The following MLLT10 variants were observed in gnomAD, a reference collection of about 807,000 sequenced individuals.
MLLT10 encodes the protein protein AF-10.
A neutral mutation model predicts 129.1 loss-of-function variants in MLLT10; 30 were observed. The observed-to-expected ratio is 0.23, with a 90% CI of 0.17 to 0.32. MLLT10 has a LOEUF of 0.32. MLLT10 is among the 10% of genes least tolerant of loss of function. The probability of loss-of-function intolerance (pLI) is 1.00; values close to 1 mark genes in which losing one functional copy is unlikely to be tolerated. For missense variants in MLLT10, 1,119 were observed against 1,268.3 expected, an observed-to-expected ratio of 0.88 and a Z score of 1.79; for synonymous variants, 490 against 446.4, an observed-to-expected ratio of 1.10 and a Z score of -1.23.
At chr10:21,549,742 G>A (rs572272610) in intron 3 of MLLT10, among the ~76,000 whole-genome samples, 2 of 150,912 alleles carry the variant, frequency 1.3e-5, no homozygotes, top group African/African-American at 4.9e-5. Flanking sequence ...CTACTTCCCG[G>A]GTTCTCCTGC....
At chr10:21,719,243 G>A (rs1173623414) in intron 14 of MLLT10, among the ~76,000 whole-genome samples, 1 of 152,054 alleles carries the variant, frequency 6.6e-6, no homozygotes, top group Non-Finnish European at 1.5e-5. Flanking sequence ...CGTTTCTCAG[G>A]CAGATTTAAC....
chr10:21,662,338 A>G (rs190889946), intron 9 of MLLT10, among the ~76,000 whole-genome samples: 12 of 152,038 alleles, frequency 7.9e-5, no homozygotes, highest in Non-Finnish European at 1.6e-4. Context: ...CTGTATTCCC[A>G]TTTTAACTAT....
intron 5 of MLLT10, among the ~76,000 whole-genome samples, chr10:21,602,891 G>A (rs1018487580): frequency 2.6e-5 from 4 of 151,522 alleles, no homozygotes; most frequent in East Asian, 1.9e-4. Context: ...CACCACGCCC[G>A]GCTAATTTTT....
At chr10:21,657,644 A>AT (rs1457346354) in intron 9 of MLLT10, among the ~76,000 whole-genome samples, 1 of 152,092 alleles carries the variant, frequency 6.6e-6, no homozygotes, top group Non-Finnish European at 1.5e-5. Flanking sequence ...AGTTGTTTGA[A>AT]TTTTGAGGTA....
chr10:21,653,279 T>C (rs540055661), intron 9 of MLLT10, among the ~76,000 whole-genome samples: 5 of 152,324 alleles, frequency 3.3e-5, no homozygotes, highest in Admixed American at 6.5e-5. Context: ...ATTGGCAGAA[T>C]GAATCTGCTT....
At chr10:21,631,190 T>G (rs1288673419) in intron 8 of MLLT10, among the ~76,000 whole-genome samples, 1 of 151,606 alleles carries the variant, frequency 6.6e-6, no homozygotes, top group Non-Finnish European at 1.5e-5. Context: ...GGCGGGCGCC[T>G]GTAGTCCCAG....
intron 3 of MLLT10, among the ~76,000 whole-genome samples, chr10:21,539,261 A>T (rs1027950944): frequency 1.3e-5 from 2 of 152,228 alleles, no homozygotes; most frequent in African/African-American, 2.4e-5. Flanking sequence ...AGTTACATTG[A>T]TAATTCTCTT....
intron 5 of MLLT10, among the ~76,000 whole-genome samples, chr10:21,602,333 C>G (rs947025528): frequency 1.3e-5 from 2 of 151,892 alleles, no homozygotes; most frequent in African/African-American, 4.9e-5. Context: ...AGCTGGCTCC[C>G]CCGTTATAGG....
chr10:21,599,177 C>CAA (rs561486770), intron 5 of MLLT10, among the ~76,000 whole-genome samples: 3 of 101,478 alleles, frequency 3.0e-5, no homozygotes, highest in Non-Finnish European at 4.2e-5. Flanking sequence ...GACTCCATCT[C>CAA]AAAAAAAAAA....
chr10:21,626,069 A>C (rs549285282), intron 8 of MLLT10: 1 of 1,548,278 alleles, frequency 6.5e-7, no homozygotes, highest in East Asian at 2.2e-5. Flanking sequence ...CTTGATCTTC[A>C]CTTCATCAGG....
At chr10:21,649,455 T>C (rs2048813668) in intron 8 of MLLT10, among the ~76,000 whole-genome samples, 1 of 152,230 alleles carries the variant, frequency 6.6e-6, no homozygotes, top group Non-Finnish European at 1.5e-5. Flanking sequence ...GTTACACTGT[T>C]GCTTTAAACC....
At chr10:21,697,966 C>T (rs533522557) in intron 13 of MLLT10, among the ~76,000 whole-genome samples, 11 of 152,186 alleles carry the variant, frequency 7.2e-5, no homozygotes, top group South Asian at 4.1e-4. Flanking sequence ...TTATGGGGGA[C>T]GTTTGAGTGT....
chr10:21,648,678 T>A (rs974923188), intron 8 of MLLT10, among the ~76,000 whole-genome samples: 2 of 152,226 alleles, frequency 1.3e-5, no homozygotes, highest in African/African-American at 4.8e-5. Context: ...GTTATTTTGG[T>A]GTGTGTAGTT....
intron 13 of MLLT10, among the ~76,000 whole-genome samples, chr10:21,695,846 T>TAGTAATTTATAGC (rs201638476): frequency 0.028 from 4,310 of 152,288 alleles, 202 homozygotes; most frequent in African/African-American, 0.097. Flanking sequence ...GGCTATAAAT[T>TAGTAATTTATAGC]CATATGGCAG....
Position 21,546,224 on chromosome 10 carries a change from T to C in MLLT10, c.240+7312T>C, listed in dbSNP as rs537806153. Among the ~76,000 whole-genome samples, 5 of 150,462 alleles carry C rather than the reference T, an allele frequency of 3.3e-5. No homozygotes were observed. In the East Asian group the frequency reaches 1.0e-3, roughly 30 times the overall value. ...TCCTGAATAGCTGGGATTACAGGCA[T>C]GTGCCACGATGCTTGGCTAGTTTTT... is the stretch of plus-strand genomic sequence containing the variant. On this transcript the variant is annotated intron_variant, in intron 3 of 22. Coordinates refer to ENST00000307729, the MANE Select transcript of MLLT10 (RefSeq NM_001195626.3).
At chr10:21,627,068 C>T (rs2046523719) in intron 8 of MLLT10, among the ~76,000 whole-genome samples, 1 of 151,868 alleles carries the variant, frequency 6.6e-6, no homozygotes. Context: ...TTGGTTTTTT[C>T]AATAGTTTCA....
At chr10:21,573,391 A>G (rs938837331) in intron 3 of MLLT10, among the ~76,000 whole-genome samples, 3 of 152,196 alleles carry the variant, frequency 2.0e-5, no homozygotes, top group Admixed American at 2.0e-4. Flanking sequence ...ACAGACCCCA[A>G]GAGGAATAGT....
intron 3 of MLLT10, 172 bp downstream of exon 3, chr10:21,539,084 A>G: frequency 2.0e-6 from 1 of 499,640 alleles, no homozygotes. Context: ...TGTAAAACTG[A>G]AAAACAAATG....
At chr10:21,558,023 C>T (rs1351154523) in intron 3 of MLLT10, among the ~76,000 whole-genome samples, 1 of 138,678 alleles carries the variant, frequency 7.2e-6, no homozygotes, top group East Asian at 2.2e-4. Flanking sequence ...GATCTGGGCT[C>T]ACTGCAACCC....
Sources: gnomAD v4.1 joint callset for allele counts (sites outside exome capture counted in the v4.1 genomes callset) on GRCh38, gnomAD v4.1.1 for gene constraint, MANE v1.5 for transcripts, NCBI Gene and HGNC (gene_info 2026-07-23, HGNC 2026-07-21) for gene names.